The following ZNF888 variants were observed in gnomAD, a reference collection of about 807,000 sequenced individuals.
ZNF888 encodes the protein zinc finger protein 888.
A neutral mutation model predicts 7.2 loss-of-function variants in ZNF888; 5 were observed. The observed-to-expected ratio is 0.70, with a 90% CI of 0.36 to 1.46. ZNF888 has a LOEUF of 1.46. ZNF888 is among the 40% of genes most tolerant of loss of function. The pLI is 0.03. For synonymous variants in ZNF888, 240 were observed against 284.3 expected (o/e 0.84, Z 1.57); for missense variants, 716 against 858.0 (o/e 0.83, Z 2.07).
At chr19:52,914,887 C>A (rs1489473226) in intron 4 of ZNF888, among the ~76,000 whole-genome samples, 1 of 152,084 alleles carries the variant, frequency 6.6e-6, no homozygotes, top group Non-Finnish European at 1.5e-5. Flanking sequence ...GGCTGGTCTC[C>A]AACTCCTGAT....
intron 4 of ZNF888, among the ~76,000 whole-genome samples, chr19:52,910,199 C>T (rs1014808909): frequency 4.1e-5 from 6 of 146,754 alleles, no homozygotes; most frequent in Admixed American, 1.4e-4. Context: ...CACCAGGGCG[C>T]GGTGGTGCAT....
intron 4 of ZNF888, among the ~76,000 whole-genome samples, chr19:52,912,215 G>A (rs772812606): frequency 2.7e-4 from 41 of 150,296 alleles, no homozygotes; most frequent in Non-Finnish European, 4.6e-4. Flanking sequence ...CCGGGTTAGC[G>A]CCATTCTCCT....
At chr19:52,910,236 C>T (rs2064662283) in intron 4 of ZNF888, among the ~76,000 whole-genome samples, 1 of 148,680 alleles carries the variant, frequency 6.7e-6, no homozygotes, top group African/African-American at 2.5e-5. Flanking sequence ...CTTTTGGAGG[C>T]TGAGGCAGGT....
chr19:52,913,038 TGGAG>T (rs2064704614), intron 4 of ZNF888, among the ~76,000 whole-genome samples: 1 of 152,062 alleles, frequency 6.6e-6, no homozygotes, highest in Admixed American at 6.6e-5. Flanking sequence ...ACCCGGGAGA[TGGAG>T]GTTGTAGTGA....
chr19:52,909,348 A>G (rs1220642798), intron 4 of ZNF888, among the ~76,000 whole-genome samples: 1 of 151,760 alleles, frequency 6.6e-6, no homozygotes, highest in African/African-American at 2.4e-5. Context: ...CCTGGGTTCA[A>G]GCGAGTGTCT....
intron 3 of ZNF888, chr19:52,917,449 C>G (rs144705543): frequency 2.1e-6 from 1 of 484,412 alleles, no homozygotes; most frequent in Non-Finnish European, 3.7e-6. Context: ...TTCCTCTTAT[C>G]GGTCTTTTCT....
chr19:52,914,196 T>C (rs977515403), intron 4 of ZNF888: 48 of 214,476 alleles, frequency 2.2e-4, no homozygotes, highest in Non-Finnish European at 3.7e-4. Flanking sequence ...GGATTGAAAC[T>C]TTCCTTTACC....
In ZNF888 at chr19:52,906,560, T is replaced by G; in HGVS notation, c.1762A>C (p.Arg588=). ...TGACATGCAAGTTGTGACTGTGTCCTAAAAACCTTGCCACATTCATTACAC... is the reference window on the plus strand; with the variant it reads ...TGACATGCAAGTTGTGACTGTGTCCGAAAAACCTTGCCACATTCATTACAC... The part of the protein sequence containing the change: ...YKCNECGKVF[R]TQSQLACHHR... Residue 588 remains arginine, a synonymous_variant, in exon 5 of 5, where the codon AGG becomes CGG. Coordinates refer to ENST00000638862, the MANE Select transcript of ZNF888 (RefSeq NM_001393938.1). 6.2e-7 allele frequency: 1 copy of G among 1,613,860 alleles called. No homozygotes were observed. The highest frequency in any genetic ancestry group is 8.5e-7 in the Non-Finnish European group (1 of 1,179,848).
chr19:52,922,565 C>A (rs1740792508), intron 1 of ZNF888, among the ~76,000 whole-genome samples: 1 of 152,154 alleles, frequency 6.6e-6, no homozygotes, highest in South Asian at 2.1e-4. Context: ...GCTTTGTTAT[C>A]TTTTGTTTTT....
At position 52,907,769 on chromosome 19, in the gene ZNF888, T is replaced by C. The variant is rs1186023167; in HGVS notation, c.553A>G (p.Thr185Ala). ...TSQRISCRPK[T>A]HISNNYGNNF... ...TTCCCATAGTTATTAGAAATATGGG[T>C]TTTGGGCCTACAAGAAATTCTTTGG... is the stretch of plus-strand genomic sequence containing the variant. The change falls in exon 5 of 5, where the codon ACC becomes GCC. Residue 185 changes from threonine to alanine, a missense_variant. This residue lies in a region of ZNF888 where 697 missense variants were observed against 803.4 expected (regional missense o/e 0.87). Coordinates refer to ENST00000638862, the MANE Select transcript of ZNF888 (RefSeq NM_001393938.1). 6.2e-7 allele frequency: 1 copy of C among 1,613,958 alleles called. No homozygotes were observed. The highest frequency in any genetic ancestry group is 8.5e-7 in the Non-Finnish European group (1 of 1,180,020).
chr19:52,911,484 G>A (rs189765435), intron 4 of ZNF888, among the ~76,000 whole-genome samples: 13 of 150,906 alleles, frequency 8.6e-5, no homozygotes, highest in East Asian at 6.0e-4. Context: ...GACCACAGGC[G>A]CCCGCCACTA....
At chr19:52,912,365 G>A (rs535938398) in intron 4 of ZNF888, among the ~76,000 whole-genome samples, 15 of 150,716 alleles carry the variant, frequency 1.0e-4, no homozygotes, top group Non-Finnish European at 1.9e-4. Context: ...CGCCCCCCTC[G>A]GCCTCCCAAA....
At chr19:52,915,365 A>T (rs10406306) in intron 3 of ZNF888, 43 bp from the exon 4 acceptor site, 275,892 of 1,526,624 alleles carry the variant, frequency 0.18, 25,667 homozygotes, top group Admixed American at 0.44. Context: ...ATGAGAGGAG[A>T]TCTTATCTTT....
chr19:52,911,213 A>G (rs2147927109), intron 4 of ZNF888, among the ~76,000 whole-genome samples: 1 of 152,140 alleles, frequency 6.6e-6, no homozygotes, highest in East Asian at 1.9e-4. Context: ...AGGTTTCACC[A>G]TGTTGTACAG....
In ZNF888 at chr19:52,920,195, G is replaced by C. The variant is rs1442429606; in HGVS notation, c.-177-1258C>G. ...CGACCCCGTCTGGGACGTGTGCCCA[G>C]CGGCTCATTGGGGATGGGCCATGAT... is the stretch of plus-strand genomic sequence containing the variant. On this transcript the variant is annotated intron_variant, in intron 1 of 4. Coordinates refer to ENST00000638862, the MANE Select transcript of ZNF888 (RefSeq NM_001393938.1). Among the ~76,000 whole-genome samples, 6 of 62,884 alleles carry C rather than the reference G, an allele frequency of 9.5e-5. 3 individuals carry two copies. The highest frequency in any genetic ancestry group is 2.2e-4 in the Non-Finnish European group (6 of 26,782). 41.3% of individuals were successfully genotyped at this position (62,884 alleles called of 152,430 possible).
At position 52,904,912 on chromosome 19, in the gene ZNF888, G is replaced by C. The variant is rs7258315; in HGVS notation, c.*1253C>G. ...ACAATATCGGCACCAAAAATTACTT[G>C]AATTTCCACACATTAACAATAAACA... On this transcript the variant is annotated 3_prime_UTR_variant, in exon 5 of 5. Coordinates refer to ENST00000638862, the MANE Select transcript of ZNF888 (RefSeq NM_001393938.1). The C allele has an allele frequency of 0.38, 57,624 of 152,024 alleles. 14,167 individuals are homozygous for C. The highest frequency in any genetic ancestry group is 0.69 in the African/African-American group (28,540 of 41,434). 9.4% of individuals were successfully genotyped at this position (152,024 alleles called of 1,614,324 possible).
At position 52,907,817 on chromosome 19, in the gene ZNF888, T is replaced by C; in HGVS notation, c.505A>G (p.Asn169Asp). 6.2e-7 allele frequency: 1 copy of C among 1,614,168 alleles called. No homozygotes were observed. The highest frequency in any genetic ancestry group is 2.2e-5 in the East Asian group (1 of 44,874). The change falls in exon 5 of 5, where the codon AAT (asparagine) becomes GAT (aspartate). Residue 169 changes from asparagine (N) to aspartate (D), a missense_variant. This residue lies in a region of ZNF888 where 697 missense variants were observed against 803.4 expected (regional missense o/e 0.87). Transcript: ENST00000638862. ...IGNQLEKSIN[N>D]ASSVSTSQRI... is the part of the protein sequence containing the mutation. ...TGGGATGTTGAAACTGAGGAAGCAT[T>C]GTTGATAGACTTCTCAAGTTGATTA...
Position 52,906,371 on chromosome 19 carries a change from G to A in ZNF888, c.1951C>T (p.Gln651Ter). The change falls in exon 5 of 5, where the codon CAA (glutamine) becomes TAA (stop). Residue 651 changes from glutamine to a stop codon, truncating the protein, a stop_gained. Coordinates refer to ENST00000638862, the MANE Select transcript of ZNF888 (RefSeq NM_001393938.1). LOFTEE classifies it low-confidence loss of function (END_TRUNC). ...KAFGRDSYLA[Q>*]HQRVHTGEKP... ...TCTCCAGTGTGAACTCTCTGATGTT[G>A]TGCAAGGTATGAATCACGCCCAAAA... 1 of 1,612,262 alleles carries A rather than the reference G, an allele frequency of 6.2e-7. No individual in the cohort carries two copies. The highest frequency in any genetic ancestry group is 8.5e-7 in the Non-Finnish European group (1 of 1,179,214).
rs117261737 is a variant in ZNF888 at position 52,905,646 on chromosome 19, A to G, written c.*519T>C. 0.16 allele frequency: 62,526 copies of G among 397,778 alleles called. 6,717 individuals carry two copies. The highest frequency in any genetic ancestry group is 0.34 in the Admixed American group (9,834 of 28,658). 24.6% of individuals were successfully genotyped at this position (397,778 alleles called of 1,614,324 possible). A position where few individuals can be genotyped will look rare whatever the true frequency, so the allele number is the denominator to read the frequency against. ...TCTTAACATAAACACTTTAATGTCA[A>G]TTAATGCTTGAACTCAACGTTAAGT... is the stretch of plus-strand genomic sequence containing the variant. On this transcript the variant is annotated 3_prime_UTR_variant, in exon 5 of 5. Transcript: ENST00000638862.
Sources: allele counts gnomAD v4.1 joint callset (sites outside exome capture counted in the v4.1 genomes callset), GRCh38; gene constraint gnomAD v4.1.1; regional missense constraint gnomAD v4.1.1; transcripts MANE v1.5; gene names NCBI Gene and HGNC (gene_info 2026-07-23, HGNC 2026-07-21).